Variants in GRID2 observed in about 807,000 individuals in gnomAD.
GRID2 encodes glutamate ionotropic receptor delta type subunit 2, also known as glutamate receptor ionotropic, delta-2.
GRID2 carries 33 observed loss-of-function variants against 114.8 expected under a neutral mutation model. That is an observed-to-expected ratio of 0.29 (90% CI 0.22 to 0.38). The LOEUF is 0.38. Among genes scored for constraint, GRID2 ranks in the 10% least tolerant of loss-of-function variants. GRID2 has a pLI of 1.00. For missense variants in GRID2, 1,184 were observed against 1,257.7 expected (o/e 0.94, Z 0.89); for synonymous variants, 505 against 449.9 (o/e 1.12, Z -1.55).
intron 4 of GRID2, among the ~76,000 whole-genome samples, chr4:93,147,768 A>G (rs908331288): frequency 6.6e-6 from 1 of 152,204 alleles, no homozygotes. Flanking sequence ...TAAGACATTA[A>G]ATAAGTACTT....
intron 13 of GRID2, among the ~76,000 whole-genome samples, chr4:93,587,065 C>T (rs1578323286): frequency 6.6e-6 from 1 of 152,066 alleles, no homozygotes; most frequent in Non-Finnish European, 1.5e-5. Context: ...AATCTAAAGA[C>T]TTAGATCTCT....
intron 8 of GRID2, among the ~76,000 whole-genome samples, chr4:93,297,702 T>C (rs1754462398): frequency 6.6e-6 from 1 of 152,234 alleles, no homozygotes; most frequent in African/African-American, 2.4e-5. Flanking sequence ...TTGTGCCAGC[T>C]ACATAGTATT....
intron 4 of GRID2, among the ~76,000 whole-genome samples, chr4:93,133,191 A>G (rs1734960420): frequency 6.6e-6 from 1 of 151,542 alleles, no homozygotes; most frequent in South Asian, 2.1e-4. Context: ...TTTATATTAT[A>G]CTCCTCACTA....
At chr4:93,259,389 A>G (rs1041833452) in intron 8 of GRID2, among the ~76,000 whole-genome samples, 1 of 151,852 alleles carries the variant, frequency 6.6e-6, no homozygotes, top group Admixed American at 6.6e-5. Context: ...CAGAACCCAA[A>G]GAAATCAATA....
rs202203896 is a variant in GRID2 at position 93,085,040 on chromosome 4, T to C, written c.290T>C (p.Ile97Thr). The C allele has an allele frequency of 6.0e-4, 968 of 1,614,130 alleles. 8 individuals are homozygous for C. In the South Asian group the frequency reaches 1.0e-2, roughly 17 times the overall value. ...NQGILALVSS[I>T]GCTSAGSLQS... Reference sequence around the variant, plus strand: ...GGCATCTTGGCCCTGGTCAGCTCCATTGGCTGCACGTCAGCAGGATCCCTC... The same window carrying C: ...GGCATCTTGGCCCTGGTCAGCTCCACTGGCTGCACGTCAGCAGGATCCCTC... The change falls in exon 3 of 16, where the codon ATT becomes ACT. Residue 97 changes from isoleucine (I) to threonine (T), a missense_variant. Ile to Thr is a moderately conservative substitution (Grantham distance 89). Coordinates refer to ENST00000282020, the MANE Select transcript of GRID2 (RefSeq NM_001510.4).
chr4:92,489,385 A>G (rs933641832), intron 1 of GRID2, among the ~76,000 whole-genome samples: 7 of 152,168 alleles, frequency 4.6e-5, no homozygotes, highest in African/African-American at 1.4e-4. Context: ...CACACATCTC[A>G]TTGAAATCTC....
At chr4:93,177,757 C>T (rs1037817797) in intron 4 of GRID2, among the ~76,000 whole-genome samples, 1 of 152,062 alleles carries the variant, frequency 6.6e-6, no homozygotes, top group African/African-American at 2.4e-5. Flanking sequence ...TATCACTACC[C>T]ATTTAAAGTT....
chr4:92,936,030 T>TAAA (rs1398475024), intron 2 of GRID2, among the ~76,000 whole-genome samples: 4 of 146,216 alleles, frequency 2.7e-5, no homozygotes, highest in Non-Finnish European at 6.0e-5. Context: ...AAACTTAAAG[T>TAAA]ATAATAATAA....
intron 14 of GRID2, among the ~76,000 whole-genome samples, chr4:93,689,568 C>T (rs1726363938): frequency 6.6e-6 from 1 of 151,928 alleles, no homozygotes; most frequent in African/African-American, 2.4e-5. Flanking sequence ...CTTGAGAACA[C>T]CTGAGTCAAA....
At chr4:92,570,107 T>G (rs1364036234) in intron 1 of GRID2, among the ~76,000 whole-genome samples, 1 of 152,152 alleles carries the variant, frequency 6.6e-6, no homozygotes, top group Non-Finnish European at 1.5e-5. Context: ...CATTTAAACA[T>G]TTAATCCATC....
intron 2 of GRID2, among the ~76,000 whole-genome samples, chr4:92,688,565 T>C (rs1006761975): frequency 2.0e-5 from 3 of 152,228 alleles, no homozygotes; most frequent in East Asian, 3.9e-4. Flanking sequence ...TGTTTCCTTT[T>C]TTTGTCACTG....
Position 93,110,815 on chromosome 4 carries a change from G to A in GRID2, c.597G>A (p.Lys199=), listed in dbSNP as rs771158401. The A allele has an allele frequency of 9.3e-6, 15 of 1,611,962 alleles. No individual in the cohort carries two copies. In the South Asian group the frequency reaches 1.3e-4, roughly 14 times the overall value. ...SQQGMDVALQ[K]VENNINKMIT... ...AGGGAATGGATGTTGCACTTCAGAA[G>A]GTAGAAAACAACATCAATAAAATGA... The change falls in exon 4 of 16, where the codon AAG becomes AAA. Residue 199 remains lysine, a synonymous_variant. Coordinates refer to ENST00000282020, the MANE Select transcript of GRID2 (RefSeq NM_001510.4).
chr4:92,868,842 A>T (rs1745081524), intron 2 of GRID2, among the ~76,000 whole-genome samples: 1 of 152,144 alleles, frequency 6.6e-6, no homozygotes, highest in Non-Finnish European at 1.5e-5. Context: ...ATTTATCAAG[A>T]GTAATATTGC....
chr4:93,496,327 T>C (rs1727543398), intron 12 of GRID2, among the ~76,000 whole-genome samples: 1 of 151,760 alleles, frequency 6.6e-6, no homozygotes, highest in Non-Finnish European at 1.5e-5. Context: ...CATGTATTCT[T>C]CTCTCAGTTC....
Position 92,500,983 on chromosome 4 carries a change from A to C in GRID2, c.89-89148A>C, listed in dbSNP as rs1723656483. ...GCTTATCTTTACAGCTCTGGTTCTC[A>C]TTCTTTCATTAGGGCCCAGAGTTAC... On this transcript the variant is annotated intron_variant, in intron 1 of 15. Transcript: ENST00000282020. Among the ~76,000 whole-genome samples the C allele has an allele frequency of 2.0e-5, 3 of 152,064 alleles. No individual in the cohort carries two copies. The South Asian group carries it at 6.2e-4, about 31-fold the overall frequency.
chr4:93,467,095 C>A (rs976467795), intron 11 of GRID2, among the ~76,000 whole-genome samples: 6 of 152,124 alleles, frequency 3.9e-5, no homozygotes, highest in Non-Finnish European at 5.9e-5. Flanking sequence ...AAAACAAATT[C>A]TCAGTAACCA....
intron 1 of GRID2, among the ~76,000 whole-genome samples, chr4:92,499,255 TGAAA>T (rs1723553975): frequency 6.6e-6 from 1 of 152,104 alleles, no homozygotes; most frequent in Non-Finnish European, 1.5e-5. Flanking sequence ...CTGTAATATT[TGAAA>T]GAAAGAGAGA....
chr4:92,391,262 A>C (rs1051096665), intron 1 of GRID2, among the ~76,000 whole-genome samples: 1 of 152,114 alleles, frequency 6.6e-6, no homozygotes, highest in Non-Finnish European at 1.5e-5. Flanking sequence ...TGAGCTCTGT[A>C]GTTAAACTTC....
At chr4:92,338,762 T>C (rs1480043036) in intron 1 of GRID2, among the ~76,000 whole-genome samples, 1 of 152,144 alleles carries the variant, frequency 6.6e-6, no homozygotes, top group Non-Finnish European at 1.5e-5. Flanking sequence ...AAGCATATTT[T>C]GTGTACACGT....
Sources: allele counts gnomAD v4.1 joint callset (sites outside exome capture counted in the v4.1 genomes callset), GRCh38; gene constraint gnomAD v4.1.1; transcripts MANE v1.5; gene names NCBI Gene and HGNC (gene_info 2026-07-23, HGNC 2026-07-21).